The following NXPE4 variants were observed in gnomAD, a reference collection of about 807,000 sequenced individuals.
The protein encoded by NXPE4 is neurexophilin and PC-esterase domain family member 4, also known as NXPE family member 4.
In NXPE4, 42 loss-of-function variants were observed where a neutral mutation model predicts 33.3. The ratio of observed to expected loss-of-function variants is 1.26; its 90% CI spans 0.98 to 1.63. The LOEUF is 1.63. Among genes scored for constraint, NXPE4 ranks in the 40% most tolerant of loss-of-function variants. NXPE4 has a pLI of 0.00. For missense variants in NXPE4, 709 were observed against 647.6 expected (o/e 1.09, Z -1.03); for synonymous variants, 253 against 234.9 (o/e 1.08, Z -0.71).
intron 4 of NXPE4, 91 bp from the exon 5 acceptor site, chr11:114,580,429 GA>G (rs1411522528): frequency 3.8e-6 from 4 of 1,056,434 alleles, no homozygotes; most frequent in South Asian, 2.6e-5. Flanking sequence ...AGTATCCTAA[GA>G]GGGGGTAAGG....
the NXPE4 span, among the ~76,000 whole-genome samples, chr11:114,619,504 G>A: frequency 4.0e-5 from 6 of 151,526 alleles, no homozygotes; most frequent in Admixed American, 6.6e-5. Flanking sequence ...GTGTTGCCTC[G>A]TGGGTAACCA....
At chr11:114,662,650 T>G in the NXPE4 span, among the ~76,000 whole-genome samples, 1 of 151,880 alleles carries the variant, frequency 6.6e-6, no homozygotes, top group Non-Finnish European at 1.5e-5. Flanking sequence ...TTCCTTTGCT[T>G]GAGGGGAGGA....
At position 114,582,795 on chromosome 11, in the gene NXPE4, C is replaced by T. The variant is rs201831822; in HGVS notation, c.323G>A (p.Arg108Gln). Residue 108 changes from arginine to glutamine, a missense_variant, in exon 3 of 6, where the codon CGA (arginine) becomes CAA (glutamine). Arg to Gln is a conservative substitution (Grantham distance 43, BLOSUM62 1). Coordinates refer to ENST00000375478, the MANE Select transcript of NXPE4 (RefSeq NM_001077639.2). ...THSTATILNP[R>Q]DTYCRGDQLH... ...CTGGTCTCCCCTGCAGTACGTATCT[C>T]GAGGGTTGAGGATGGTGGCTGTGCT... The T allele has an allele frequency of 2.1e-4, 336 of 1,614,074 alleles. 1 individual carries two copies. The African/African-American group carries it at 3.8e-3, about 18-fold the overall frequency.
At chr11:114,636,972 A>G in the NXPE4 span, among the ~76,000 whole-genome samples, 1 of 152,146 alleles carries the variant, frequency 6.6e-6, no homozygotes, top group African/African-American at 2.4e-5. Context: ...GTAGATGTCT[A>G]TTAGGTCCAC....
chr11:114,633,001 TAATA>T, the NXPE4 span, among the ~76,000 whole-genome samples: 1 of 106,186 alleles, frequency 9.4e-6, no homozygotes, highest in East Asian at 2.5e-4. Context: ...TAATATATAA[TAATA>T]TATATTATAT....
the NXPE4 span, among the ~76,000 whole-genome samples, chr11:114,622,413 G>A: frequency 3.8e-4 from 57 of 151,698 alleles, no homozygotes; most frequent in African/African-American, 1.1e-3. Flanking sequence ...ACTGTTACCC[G>A]GTGTATAATA....
At chr11:114,595,357 A>G (rs1488918728) in intron 1 of NXPE4, among the ~76,000 whole-genome samples, 1 of 152,090 alleles carries the variant, frequency 6.6e-6, no homozygotes, top group African/African-American at 2.4e-5. Flanking sequence ...TCATCTTAAC[A>G]TTTCTCTTTG....
chr11:114,641,428 T>C, the NXPE4 span, among the ~76,000 whole-genome samples: 1 of 151,972 alleles, frequency 6.6e-6, no homozygotes, highest in Non-Finnish European at 1.5e-5. Flanking sequence ...TAAATGTAAA[T>C]TGCAATGAAA....
chr11:114,594,914 C>G, intron 1 of NXPE4, 145 bp from the exon 2 acceptor site: 1 of 557,892 alleles, frequency 1.8e-6, no homozygotes, highest in East Asian at 3.1e-5. Flanking sequence ...CCTTCACCCC[C>G]GCAAGCTGTA....
At chr11:114,639,792 A>T in the NXPE4 span, among the ~76,000 whole-genome samples, 1 of 124,566 alleles carries the variant, frequency 8.0e-6, no homozygotes, top group Non-Finnish European at 1.6e-5. Flanking sequence ...TATAATATAT[A>T]TTATATTAAA....
At chr11:114,610,573 G>A in the NXPE4 span, among the ~76,000 whole-genome samples, 24 of 106,116 alleles carry the variant, frequency 2.3e-4, no homozygotes, top group Non-Finnish European at 5.1e-4. Context: ...ACTGTTACCC[G>A]GTGGATAATA....
chr11:114,632,578 A>G, the NXPE4 span, among the ~76,000 whole-genome samples: 2 of 111,928 alleles, frequency 1.8e-5, no homozygotes, highest in Non-Finnish European at 3.3e-5. Flanking sequence ...CATATATCAT[A>G]TATTTATTGT....
chr11:114,579,079 G>A (rs1424258304), intron 5 of NXPE4, among the ~76,000 whole-genome samples: 1 of 152,170 alleles, frequency 6.6e-6, no homozygotes, highest in Non-Finnish European at 1.5e-5. Context: ...CTTGCAGGCT[G>A]TACAAGCATG....
chr11:114,655,187 T>C, the NXPE4 span, among the ~76,000 whole-genome samples: 1 of 152,246 alleles, frequency 6.6e-6, no homozygotes, highest in African/African-American at 2.4e-5. Context: ...TTTTTTCTTG[T>C]AAATATGTTT....
At chr11:114,591,188 G>A (rs1949443724) in intron 2 of NXPE4, among the ~76,000 whole-genome samples, 2 of 152,202 alleles carry the variant, frequency 1.3e-5, no homozygotes, top group Non-Finnish European at 2.9e-5. Flanking sequence ...CTCTATCCAG[G>A]CACAAGTGCT....
chr11:114,587,235 C>T (rs540451912), intron 2 of NXPE4, among the ~76,000 whole-genome samples: 1 of 152,266 alleles, frequency 6.6e-6, no homozygotes, highest in African/African-American at 2.4e-5. Flanking sequence ...AACATGGTCC[C>T]ATCAGCAGGA....
At chr11:114,623,261 A>G in the NXPE4 span, among the ~76,000 whole-genome samples, 11 of 149,628 alleles carry the variant, frequency 7.4e-5, no homozygotes, top group African/African-American at 2.7e-4. Context: ...TGGGTAATAC[A>G]TATTGCCTCG....
the NXPE4 span, among the ~76,000 whole-genome samples, chr11:114,601,722 A>AT: frequency 3.0e-3 from 218 of 72,424 alleles, 8 homozygotes; most frequent in African/African-American, 0.011. Context: ...TATATATTAT[A>AT]ATTATATATT....
the NXPE4 span, among the ~76,000 whole-genome samples, chr11:114,637,059 G>A: frequency 3.3e-5 from 5 of 151,930 alleles, no homozygotes; most frequent in South Asian, 2.1e-4. Flanking sequence ...TGTTGACAGT[G>A]GGGTGTTAAA....
Sources: gnomAD v4.1 joint callset for allele counts (sites outside exome capture counted in the v4.1 genomes callset) on GRCh38, gnomAD v4.1.1 for gene constraint, MANE v1.5 for transcripts, NCBI Gene and HGNC (gene_info 2026-07-23, HGNC 2026-07-21) for gene names.